The following SOS1 variants were observed in gnomAD, a reference collection of about 807,000 sequenced individuals.
SOS1 encodes the protein son of sevenless homolog 1.
SOS1 carries 25 observed loss-of-function variants against 157.6 expected under a neutral mutation model. That is an observed-to-expected ratio of 0.16 (90% CI 0.12 to 0.22). The LOEUF (loss-of-function observed/expected upper bound fraction) is 0.22, where lower values mean the gene tolerates loss of function less well. Among genes scored for constraint, SOS1 ranks in the 10% least tolerant of loss-of-function variants. The pLI is 1.00. For missense variants in SOS1, 1,237 were observed against 1,599.1 expected, an observed-to-expected ratio of 0.77 and a Z score of 3.86; for synonymous variants, 528 against 534.0, an observed-to-expected ratio of 0.99 and a Z score of 0.16.
chr2:39,042,342 T>C (rs1670599988), intron 6 of SOS1, among the ~76,000 whole-genome samples: 1 of 152,164 alleles, frequency 6.6e-6, no homozygotes, highest in South Asian at 2.1e-4. Context: ...TTTCCATCCC[T>C]GAACATAGTA....
intron 21 of SOS1, 82 bp downstream of exon 21, chr2:38,989,188 G>C (rs772418875): frequency 5.4e-6 from 5 of 934,350 alleles, no homozygotes; most frequent in Non-Finnish European, 8.8e-6. Flanking sequence ...GACCCAAGAA[G>C]AGTTTTAGCA....
chr2:39,020,090 G>A (rs1023915057), intron 10 of SOS1, among the ~76,000 whole-genome samples: 1 of 151,530 alleles, frequency 6.6e-6, no homozygotes, highest in African/African-American at 2.4e-5. Flanking sequence ...TTAGAGTCAA[G>A]AAACCTAATT....
chr2:39,079,907 A>G (rs532362946), intron 1 of SOS1, among the ~76,000 whole-genome samples: 1 of 151,960 alleles, frequency 6.6e-6, no homozygotes, highest in African/African-American at 2.4e-5. Context: ...GTGGAAGACA[A>G]TTTTTCCACA....
chr2:39,083,853 T>C (rs1672287820), intron 1 of SOS1, among the ~76,000 whole-genome samples: 1 of 152,232 alleles, frequency 6.6e-6, no homozygotes. Flanking sequence ...ATGATTGTTA[T>C]GGGCTGAATA....
At chr2:39,114,904 T>C (rs1673588259) in intron 1 of SOS1, among the ~76,000 whole-genome samples, 1 of 152,094 alleles carries the variant, frequency 6.6e-6, no homozygotes. Flanking sequence ...AGCCAACTCT[T>C]TTCTTGAAGC....
At chr2:39,031,530 G>A (rs1365836393) in intron 8 of SOS1, among the ~76,000 whole-genome samples, 1 of 152,094 alleles carries the variant, frequency 6.6e-6, no homozygotes, top group Non-Finnish European at 1.5e-5. Context: ...AGGAGTTCGT[G>A]ACCAGCCTGG....
chr2:39,076,672 T>C (rs1672010154), intron 1 of SOS1, among the ~76,000 whole-genome samples: 2 of 152,158 alleles, frequency 1.3e-5, no homozygotes, highest in South Asian at 4.1e-4. Context: ...ACAAAAAGTG[T>C]ACAACAAAAA....
intron 2 of SOS1, among the ~76,000 whole-genome samples, chr2:39,065,570 A>C (rs1209224493): frequency 6.6e-6 from 1 of 152,118 alleles, no homozygotes; most frequent in Non-Finnish European, 1.5e-5. Context: ...TCTCTTTCAG[A>C]TGTCCTAATA....
intron 8 of SOS1, among the ~76,000 whole-genome samples, chr2:39,027,295 T>A (rs987413695): frequency 2.4e-4 from 37 of 152,190 alleles, no homozygotes; most frequent in African/African-American, 8.9e-4. Flanking sequence ...TATCTACTAT[T>A]TAACTGTAGC....
At chr2:39,092,358 G>C (rs1306799037) in intron 1 of SOS1, among the ~76,000 whole-genome samples, 1 of 151,992 alleles carries the variant, frequency 6.6e-6, no homozygotes, top group African/African-American at 2.4e-5. Context: ...CCCTCTTCTA[G>C]GGTGCTCCTC....
At chr2:39,068,236 T>C (rs569488678) in intron 1 of SOS1, among the ~76,000 whole-genome samples, 1 of 152,254 alleles carries the variant, frequency 6.6e-6, no homozygotes, top group African/African-American at 2.4e-5. Context: ...CATGCTTATA[T>C]GTTCCTGGAG....
At position 39,013,951 on chromosome 2, in the gene SOS1, C is replaced by T. The variant is rs1258974608; in HGVS notation, c.1979G>A (p.Arg660His). The T allele has an allele frequency of 1.1e-5, 17 of 1,603,790 alleles. No homozygotes were observed. The highest frequency in any genetic ancestry group is 1.1e-5 in the South Asian group (1 of 90,852). The change falls in exon 12 of 23, where the codon CGC becomes CAC. Residue 660 changes from arginine to histidine, a missense_variant. This residue lies in a region of SOS1 where 55 missense variants were observed against 43.1 expected (regional missense o/e 1.27). Transcript: ENST00000402219. ...TTGATCTCCATTCTCTATAGCTATG[C>T]GATCAGCTTCTGTTGGCTCAGGCTC... ...IPEPEPTEADRIAIENGDQPL... is the reference protein window; with the variant it reads ...IPEPEPTEADHIAIENGDQPL...
intron 17 of SOS1, among the ~76,000 whole-genome samples, chr2:39,004,985 A>G (rs1273920788): frequency 1.3e-5 from 2 of 152,214 alleles, no homozygotes; most frequent in African/African-American, 2.4e-5. Flanking sequence ...TTAAAATCAC[A>G]TATCAACAGT....
intron 1 of SOS1, among the ~76,000 whole-genome samples, chr2:39,092,056 T>C (rs889605578): frequency 1.3e-5 from 2 of 152,224 alleles, no homozygotes; most frequent in African/African-American, 4.8e-5. Flanking sequence ...AACTTAAGTT[T>C]ATGTCACTCC....
chr2:38,993,220 C>G (rs1668787091), intron 20 of SOS1, among the ~76,000 whole-genome samples: 1 of 152,142 alleles, frequency 6.6e-6, no homozygotes, highest in African/African-American at 2.4e-5. Context: ...AGTGCAGTGG[C>G]ATGATCACAG....
intron 1 of SOS1, among the ~76,000 whole-genome samples, chr2:39,106,471 G>A (rs565481393): frequency 8.1e-5 from 12 of 148,430 alleles, no homozygotes; most frequent in Non-Finnish European, 1.5e-4. Flanking sequence ...GGCGCCTGTC[G>A]TCCCAGCTAC....
intron 4 of SOS1, among the ~76,000 whole-genome samples, chr2:39,056,472 T>C (rs1671216950): frequency 6.6e-6 from 1 of 152,114 alleles, no homozygotes; most frequent in Non-Finnish European, 1.5e-5. Flanking sequence ...TAATTAACCC[T>C]AGTTGCAACA....
intron 8 of SOS1, among the ~76,000 whole-genome samples, chr2:39,024,483 GTTTTTT>G (rs113330424): frequency 6.9e-6 from 1 of 144,988 alleles, no homozygotes; most frequent in Non-Finnish European, 1.5e-5. Context: ...TGTAGACGAG[GTTTTTT>G]TTTTTTTAAG....
intron 10 of SOS1, among the ~76,000 whole-genome samples, chr2:39,016,828 T>C (rs1177895936): frequency 6.6e-6 from 1 of 152,128 alleles, no homozygotes; most frequent in Admixed American, 6.6e-5. Context: ...AAGAGGAATT[T>C]TAAGTTGAAA....
Sources: gnomAD v4.1 joint callset for allele counts (sites outside exome capture counted in the v4.1 genomes callset) on GRCh38, gnomAD v4.1.1 for gene constraint, gnomAD v4.1.1 regional missense constraint, MANE v1.5 for transcripts, NCBI Gene and HGNC (gene_info 2026-07-23, HGNC 2026-07-21) for gene names.